ALK: variants seen among roughly 807,000 people sequenced by gnomAD.
ALK encodes the protein ALK tyrosine kinase receptor.
Under a neutral mutation model 163.1 loss-of-function variants are expected in ALK, and 74 were observed. That is an observed-to-expected ratio of 0.45 (90% confidence interval 0.38 to 0.55). ALK has a LOEUF of 0.55. Ranked by LOEUF, ALK falls within the 20% of genes least tolerant of loss-of-function variation. The pLI is 0.00. For synonymous variants in ALK, 960 were observed against 843.2 expected, an observed-to-expected ratio of 1.14 and a Z score of -2.40; for missense variants, 2,063 against 2,105.3, an observed-to-expected ratio of 0.98 and a Z score of 0.39.
intron 1 of ALK, among the ~76,000 whole-genome samples, chr2:29,889,944 C>T (rs544192410): frequency 1.3e-5 from 2 of 152,212 alleles, no homozygotes; most frequent in South Asian, 4.2e-4. Flanking sequence ...ACCAAGACAG[C>T]AAGATGCTTT....
At chr2:29,238,676 C>T (rs1664444209) in intron 13 of ALK, among the ~76,000 whole-genome samples, 1 of 152,172 alleles carries the variant, frequency 6.6e-6, no homozygotes, top group Non-Finnish European at 1.5e-5. Context: ...AGTCACTCTC[C>T]CCACATGCCC....
intron 11 of ALK, among the ~76,000 whole-genome samples, chr2:29,267,437 CA>C (rs1231227815): frequency 1.3e-5 from 2 of 152,182 alleles, no homozygotes; most frequent in African/African-American, 4.8e-5. Flanking sequence ...TGTTACAACA[CA>C]ATAGATAACT....
At position 29,226,660 on chromosome 2, in the gene ALK, C is replaced by T. The variant is rs1881419; in HGVS notation, c.3067+262G>A. Among the ~76,000 whole-genome samples, 44,794 of 151,810 alleles carry T rather than the reference C, an allele frequency of 0.3. 7,599 individuals are homozygous for T. The highest frequency in any genetic ancestry group is 0.68 in the East Asian group (3,490 of 5,150). ...GAGCAGTAAGATCCCTGTCACTGGG[C>T]ATGTTTAAGTGGAGGCAGGATGGCC... On this transcript the variant is annotated intron_variant, in intron 18 of 28. Coordinates refer to ENST00000389048, the MANE Select transcript of ALK (RefSeq NM_004304.5).
At chr2:29,746,437 C>T (rs1680210440) in intron 1 of ALK, among the ~76,000 whole-genome samples, 1 of 152,206 alleles carries the variant, frequency 6.6e-6, no homozygotes, top group African/African-American at 2.4e-5. Flanking sequence ...ATTTGTGAGC[C>T]TCTTGAATCT....
chr2:29,631,172 G>A (rs569986536), intron 3 of ALK, among the ~76,000 whole-genome samples: 170 of 152,240 alleles, frequency 1.1e-3, no homozygotes, highest in African/African-American at 3.7e-3. Flanking sequence ...CATAGATATC[G>A]CTCATTTTCA....
At chr2:29,857,843 G>A (rs1666183597) in intron 1 of ALK, among the ~76,000 whole-genome samples, 1 of 152,202 alleles carries the variant, frequency 6.6e-6, no homozygotes, top group Non-Finnish European at 1.5e-5. Flanking sequence ...TAGTTCTTTT[G>A]TTAAACTTTT....
At chr2:29,381,920 A>G (rs538975390) in intron 5 of ALK, among the ~76,000 whole-genome samples, 2 of 152,336 alleles carry the variant, frequency 1.3e-5, no homozygotes, top group South Asian at 4.1e-4. Context: ...TAGAAGTTCT[A>G]AGCAAACACT....
intron 1 of ALK, among the ~76,000 whole-genome samples, chr2:29,829,937 T>C (rs2148385596): frequency 6.6e-6 from 1 of 152,332 alleles, no homozygotes; most frequent in South Asian, 2.1e-4. Context: ...TGGGTGAACA[T>C]TTGAGATTTC....
intron 1 of ALK, among the ~76,000 whole-genome samples, chr2:29,875,552 T>C (rs151147190): frequency 0.027 from 4,127 of 152,216 alleles, 102 homozygotes; most frequent in South Asian, 0.037. Context: ...CTGCATGCAT[T>C]AGGTATTTCT....
At chr2:29,444,582 A>G (rs1670625981) in intron 4 of ALK, among the ~76,000 whole-genome samples, 1 of 152,196 alleles carries the variant, frequency 6.6e-6, no homozygotes, top group East Asian at 1.9e-4. Context: ...CCTTTATACA[A>G]AAAAAATTAA....
At chr2:29,852,452 G>C (rs1666022599) in intron 1 of ALK, among the ~76,000 whole-genome samples, 1 of 152,192 alleles carries the variant, frequency 6.6e-6, no homozygotes, top group African/African-American at 2.4e-5. Context: ...GACAGTTGCT[G>C]ACTATACTTT....
At chr2:29,433,131 A>C (rs1021451687) in intron 4 of ALK, among the ~76,000 whole-genome samples, 1 of 152,156 alleles carries the variant, frequency 6.6e-6, no homozygotes, top group Non-Finnish European at 1.5e-5. Context: ...CTGTTATGAC[A>C]CTATTGAACC....
rs553720551 is a variant in ALK, at chr2:29,419,210, A to G, written c.1155-35351T>C. On this transcript the variant is annotated intron_variant, in intron 4 of 28. Coordinates refer to ENST00000389048, the MANE Select transcript of ALK (RefSeq NM_004304.5). ...GCTGGGATTACAGGTACATGCCACCATGCCCGGCTAATTTTTGTATTTTTA... is the reference window on the plus strand; with the variant it reads ...GCTGGGATTACAGGTACATGCCACCGTGCCCGGCTAATTTTTGTATTTTTA... Among the ~76,000 whole-genome samples the G allele has an allele frequency of 2.4e-4, 37 of 151,332 alleles. 1 individual carries two copies. Among genetic ancestry groups the G allele is most frequent in the African/African-American group, 8.8e-4 (36 of 40,704 alleles).
chr2:29,837,745 A>G (rs75161992), intron 1 of ALK, among the ~76,000 whole-genome samples: 1,777 of 152,330 alleles, frequency 0.012, 16 homozygotes, highest in Middle Eastern at 0.031. Context: ...TTATTAAGGA[A>G]GACAATACAA....
chr2:29,564,429 A>G (rs996237895), intron 3 of ALK, among the ~76,000 whole-genome samples: 1 of 123,558 alleles, frequency 8.1e-6, no homozygotes, highest in Admixed American at 8.7e-5. Context: ...TGCATAAAGG[A>G]TCCCTACCAC....
chr2:29,566,361 C>T (rs1674190107), intron 3 of ALK, among the ~76,000 whole-genome samples: 2 of 152,234 alleles, frequency 1.3e-5, no homozygotes, highest in South Asian at 2.1e-4. Flanking sequence ...ATAGTAGCAA[C>T]ATCAATTTGC....
At chr2:29,594,894 T>TGGGG (rs1170679687) in intron 3 of ALK, among the ~76,000 whole-genome samples, 2 of 20,642 alleles carry the variant, frequency 9.7e-5, no homozygotes, top group Non-Finnish European at 1.7e-4. Context: ...TAAACAAAAA[T>TGGGG]GGGGGGTGGG....
chr2:29,787,405 G>A (rs934066310), intron 1 of ALK, among the ~76,000 whole-genome samples: 3 of 152,174 alleles, frequency 2.0e-5, no homozygotes, highest in Non-Finnish European at 4.4e-5. Context: ...GCAATCCAAG[G>A]CCAGTGTTTA....
intron 2 of ALK, among the ~76,000 whole-genome samples, chr2:29,702,625 C>A (rs1323682531): frequency 6.6e-6 from 1 of 152,172 alleles, no homozygotes; most frequent in Non-Finnish European, 1.5e-5. Flanking sequence ...TAAAGACATA[C>A]CAAGACTGGG....
Sources: gnomAD v4.1 joint callset for allele counts (sites outside exome capture counted in the v4.1 genomes callset) on GRCh38, gnomAD v4.1.1 for gene constraint, MANE v1.5 for transcripts, NCBI Gene and HGNC (gene_info 2026-07-23, HGNC 2026-07-21) for gene names.